Variants in XYLB observed in about 807,000 individuals in gnomAD.
XYLB encodes the protein xylulokinase.
Under a neutral mutation model 78.7 loss-of-function variants are expected in XYLB, and 62 were observed. The ratio of observed to expected loss-of-function variants is 0.79; its 90% CI spans 0.64 to 0.97. The LOEUF (loss-of-function observed/expected upper bound fraction) is 0.97. Ranked by LOEUF, XYLB falls within the 50% of genes least tolerant of loss-of-function variation. The pLI is 0.00. For missense variants in XYLB, 687 were observed against 676.8 expected, an observed-to-expected ratio of 1.02 and a Z score of -0.17; for synonymous variants, 245 against 247.4, an observed-to-expected ratio of 0.99 and a Z score of 0.09.
intron 15 of XYLB, 126 bp downstream of exon 15, chr3:38,379,468 G>A: frequency 5.7e-6 from 5 of 874,930 alleles, no homozygotes; most frequent in South Asian, 3.1e-5. Flanking sequence ...GCAGGAGGGA[G>A]GTGGAGCCTG....
intron 17 of XYLB, among the ~76,000 whole-genome samples, chr3:38,398,494 C>T (rs1032162834): frequency 2.0e-5 from 3 of 151,912 alleles, no homozygotes; most frequent in Admixed American, 1.3e-4. Context: ...TAATTAACCT[C>T]TTACTCATTT....
intron 3 of XYLB, among the ~76,000 whole-genome samples, chr3:38,360,820 G>A (rs1705927634): frequency 6.6e-6 from 1 of 152,162 alleles, no homozygotes; most frequent in African/African-American, 2.4e-5. Context: ...GATCACCTGA[G>A]GTCAGGGGTT....
downstream of XYLB, among the ~76,000 whole-genome samples, chr3:38,418,484 A>G (rs910876173): frequency 6.6e-6 from 1 of 152,208 alleles, no homozygotes; most frequent in Admixed American, 6.5e-5. Flanking sequence ...CACAATTCCA[A>G]CATACAAGAC....
At chr3:38,438,382 C>T in the XYLB span, among the ~76,000 whole-genome samples, 1 of 152,102 alleles carries the variant, frequency 6.6e-6, no homozygotes, top group Admixed American at 6.5e-5. Context: ...GAAAAACATC[C>T]CATGCTCTTG....
In XYLB at chr3:38,358,348, TG is replaced by T. The variant is rs1559575724; in HGVS notation, c.141-1990del. On this transcript the variant is annotated intron_variant, in intron 2 of 18. Coordinates refer to ENST00000207870, the MANE Select transcript of XYLB (RefSeq NM_005108.4). ...GTGTGTGTGTGTGTGTGTGTGTGTG[TG>T]TGTGTGTGTTTGAGACAGAGCCTTG... is the stretch of plus-strand genomic sequence containing the variant. Among the ~76,000 whole-genome samples the T allele has an allele frequency of 2.1e-3, 201 of 94,848 alleles. 1 individual carries two copies. The highest frequency in any genetic ancestry group is 3.1e-3 in the Non-Finnish European group (141 of 45,814). The allele number at this position is 94,848 out of a possible 152,430, so 62.2% of individuals were successfully genotyped here. A position where few individuals can be genotyped will look rare whatever the true frequency, so the allele number is the denominator to read the frequency against.
intron 18 of XYLB, among the ~76,000 whole-genome samples, chr3:38,401,263 T>A (rs1288071059): frequency 2.0e-5 from 3 of 152,120 alleles, no homozygotes; most frequent in Non-Finnish European, 2.9e-5. Context: ...CACTGGGCTA[T>A]AAAAGCTACT....
At chr3:38,350,400 CT>C (rs1179048022) in intron 2 of XYLB, among the ~76,000 whole-genome samples, 1 of 152,172 alleles carries the variant, frequency 6.6e-6, no homozygotes, top group African/African-American at 2.4e-5. Flanking sequence ...CTTATGACAT[CT>C]GTGGGACCAG....
At chr3:38,387,819 G>A (rs1707453039) in intron 15 of XYLB, among the ~76,000 whole-genome samples, 2 of 151,846 alleles carry the variant, frequency 1.3e-5, no homozygotes, top group Non-Finnish European at 2.9e-5. Flanking sequence ...ACTTTCTTAT[G>A]TCTCTGCTGA....
intron 14 of XYLB, among the ~76,000 whole-genome samples, chr3:38,378,764 G>C (rs553364332): frequency 6.6e-6 from 1 of 150,558 alleles, no homozygotes; most frequent in Non-Finnish European, 1.5e-5. Flanking sequence ...ATCAGTGCTA[G>C]CTTGAAGGAC....
the XYLB span, among the ~76,000 whole-genome samples, chr3:38,430,317 A>T: frequency 6.6e-6 from 1 of 152,116 alleles, no homozygotes; most frequent in Non-Finnish European, 1.5e-5. Context: ...GATGATGAGC[A>T]TTTTTTCATG....
chr3:38,366,111 A>T (rs558876), intron 6 of XYLB, among the ~76,000 whole-genome samples: 4 of 69,960 alleles, frequency 5.7e-5, no homozygotes, highest in African/African-American at 9.3e-5. Flanking sequence ...TGGCAATGTT[A>T]AAAAAAAAAA....
downstream of XYLB, among the ~76,000 whole-genome samples, chr3:38,423,662 C>G (rs984188764): frequency 2.7e-4 from 41 of 152,192 alleles, no homozygotes; most frequent in Non-Finnish European, 4.7e-4. Flanking sequence ...GTTAAACAGT[C>G]CAATGATTTG....
chr3:38,366,447 A>G (rs1706267564), intron 6 of XYLB, among the ~76,000 whole-genome samples: 1 of 152,190 alleles, frequency 6.6e-6, no homozygotes, highest in African/African-American at 2.4e-5. Flanking sequence ...GTGCAGAGCC[A>G]TTGTTTACTG....
intron 15 of XYLB, among the ~76,000 whole-genome samples, chr3:38,389,437 C>T (rs1329408872): frequency 6.6e-6 from 1 of 152,168 alleles, no homozygotes; most frequent in Non-Finnish European, 1.5e-5. Context: ...GTCATCATGG[C>T]CCGTTCTCAA....
intron 15 of XYLB, among the ~76,000 whole-genome samples, chr3:38,390,641 A>G (rs537612207): frequency 4.0e-5 from 6 of 151,410 alleles, no homozygotes; most frequent in Admixed American, 3.3e-4. Flanking sequence ...TCCCACTTCA[A>G]CCTCCCGAGT....
the XYLB span, among the ~76,000 whole-genome samples, chr3:38,426,958 G>A: frequency 6.6e-6 from 1 of 152,200 alleles, no homozygotes; most frequent in Non-Finnish European, 1.5e-5. Flanking sequence ...TAGCAGGAAA[G>A]GCCTGTGGCT....
chr3:38,395,720 C>G (rs1707844352), intron 16 of XYLB, among the ~76,000 whole-genome samples, 157 bp downstream of exon 16: 1 of 152,218 alleles, frequency 6.6e-6, no homozygotes, highest in African/African-American at 2.4e-5. Flanking sequence ...TGCCTTACAG[C>G]TCACACTGTG....
intron 14 of XYLB, among the ~76,000 whole-genome samples, chr3:38,378,501 G>A (rs1326423002): frequency 6.6e-6 from 1 of 152,324 alleles, no homozygotes; most frequent in African/African-American, 2.4e-5. Context: ...TGGTGGGCGG[G>A]TTGGAGACTT....
intron 15 of XYLB, among the ~76,000 whole-genome samples, chr3:38,392,384 C>T (rs1707696735): frequency 6.6e-6 from 1 of 152,120 alleles, no homozygotes; most frequent in Middle Eastern, 3.2e-3. Flanking sequence ...CTGCAACCTC[C>T]ACCTCCCGGT....
Sources: allele counts gnomAD v4.1 joint callset (sites outside exome capture counted in the v4.1 genomes callset), GRCh38; gene constraint gnomAD v4.1.1; transcripts MANE v1.5; gene names NCBI Gene and HGNC (gene_info 2026-07-23, HGNC 2026-07-21).